Variants in ZNF705G observed in about 807,000 individuals in gnomAD.
ZNF705G encodes the protein zinc finger protein 705G.
A neutral mutation model predicts 19.6 loss-of-function variants in ZNF705G; 23 were observed. That is an observed-to-expected ratio of 1.17 (90% CI 0.84 to 1.66). The LOEUF is 1.66. Ranked by LOEUF, ZNF705G falls within the 40% of genes most tolerant of loss-of-function variation. The pLI is 0.00. For synonymous variants in ZNF705G, 146 were observed against 117.7 expected (o/e 1.24, Z -1.56); for missense variants, 457 against 354.4 (o/e 1.29, Z -2.32).
intron 1 of ZNF705G, among the ~76,000 whole-genome samples, chr8:7,381,919 A>G (rs1232492694): frequency 1.3e-5 from 2 of 151,980 alleles, no homozygotes; most frequent in East Asian, 1.9e-4. Context: ...GAACATACAT[A>G]GAGTAAATGG....
intron 3 of ZNF705G, among the ~76,000 whole-genome samples, chr8:7,362,453 A>G (rs1280276715): frequency 6.7e-6 from 1 of 149,662 alleles, no homozygotes; most frequent in Non-Finnish European, 1.5e-5. Context: ...AGCTGCTAGA[A>G]CATCAGACTC....
chr8:7,358,474 C>G lies in ZNF705G; in HGVS notation c.405G>C (p.Leu135Phe). ...AGGGTTTCTTTCCACTATGAGTTAA[C>G]AAACACTGAGTTATTGTGGAACTGC... ...CTRSSTITQC[L>F]LTHSGKKPYV... The change falls in exon 7 of 7, where the codon TTG becomes TTC. Residue 135 changes from leucine (L) to phenylalanine (F), a missense_variant. By Grantham distance (22) the Leu-to-Phe change is conservative. Transcript: ENST00000400156. The G allele has an allele frequency of 1.9e-6, 3 of 1,607,678 alleles. No homozygotes were observed. Among genetic ancestry groups the G allele is most frequent in the Non-Finnish European group, 2.5e-6 (3 of 1,179,598 alleles).
In ZNF705G at chr8:7,359,384, C is replaced by T. The variant is rs184881657; in HGVS notation, c.318+235G>A. On this transcript the variant is annotated intron_variant, in intron 6 of 6. Coordinates refer to ENST00000400156, the MANE Select transcript of ZNF705G (RefSeq NM_001164457.3). ...TAATTGTGTTGATATCAATATCTTTCGATGACTGGGCATGAGCAATGTATA... is the reference window on the plus strand; with the variant it reads ...TAATTGTGTTGATATCAATATCTTTTGATGACTGGGCATGAGCAATGTATA... Among the ~76,000 whole-genome samples the T allele has an allele frequency of 8.0e-5, 12 of 149,894 alleles. 1 individual carries two copies. The highest frequency in any genetic ancestry group is 2.3e-4 in the African/African-American group (9 of 39,290).
Position 7,374,779 on chromosome 8 carries a change from A to G in ZNF705G, c.-72+6673T>C, listed in dbSNP as rs1473764831. On this transcript the variant is annotated intron_variant, in intron 2 of 6. Transcript: ENST00000400156. ...ATCTTGGGCAAGTTTCTTCCTTTCC[A>G]TCAGCTTATTTCCTCAACTTTAAGG... 3.6e-5 allele frequency among the ~76,000 whole-genome samples: 3 copies of G among 83,606 alleles called. 1 individual carries two copies. The highest frequency in any genetic ancestry group is 6.8e-5 in the Non-Finnish European group (3 of 44,038). The allele number at this position is 83,606 out of a possible 152,430, so 54.8% of individuals were successfully genotyped here. A position where few individuals can be genotyped will look rare whatever the true frequency, so the allele number is the denominator to read the frequency against.
rs1270590229 is a variant in ZNF705G at position 7,356,311 on chromosome 8, A to T, written c.*1665T>A. 6.7e-6 allele frequency: 1 copy of T among 149,426 alleles called. No homozygotes were observed. The allele number at this position is 149,426 out of a possible 1,614,324, so 9.3% of individuals were successfully genotyped here. Reference sequence around the variant, plus strand: ...CAGCTGTGTCTGTCTCTGTGTAATAACTCAGGACTTACCAGAATAAAATGT... The same window carrying T: ...CAGCTGTGTCTGTCTCTGTGTAATATCTCAGGACTTACCAGAATAAAATGT... On this transcript the variant is annotated 3_prime_UTR_variant, in exon 7 of 7. Transcript: ENST00000400156.
At chr8:7,370,533 GA>G (rs1261718567) in intron 2 of ZNF705G, among the ~76,000 whole-genome samples, 2 of 148,116 alleles carry the variant, frequency 1.4e-5, no homozygotes, top group Admixed American at 1.3e-4. Context: ...ATAACAGTAT[GA>G]AGGTTTCTCA....
chr8:7,377,970 A>AAG (rs1554527851), intron 2 of ZNF705G, among the ~76,000 whole-genome samples: 10,184 of 99,428 alleles, frequency 0.1, 24 homozygotes, highest in East Asian at 0.13. Flanking sequence ...AAAAAAAAAA[A>AAG]AAAAAAAAGT....
chr8:7,370,387 T>C (rs1252274800), intron 2 of ZNF705G, among the ~76,000 whole-genome samples: 14 of 149,484 alleles, frequency 9.4e-5, no homozygotes, highest in Admixed American at 2.0e-4. Flanking sequence ...GGGATGTAAA[T>C]AAAAACCACC....
At position 7,358,312 on chromosome 8, in the gene ZNF705G, C is replaced by A; in HGVS notation, c.567G>T (p.Arg189=). 6.2e-7 allele frequency: 1 copy of A among 1,607,638 alleles called. No homozygotes were observed. ...TCTCTCCAGTGTGAGTCATCTTGTG[C>A]CGTCTAAGGTGAAAGCAATTAGTAT... ...KAYTNCFHLR[R]HKMTHTGERP... Residue 189 remains arginine, a synonymous_variant, in exon 7 of 7, where the codon CGG becomes CGT. Coordinates refer to ENST00000400156, the MANE Select transcript of ZNF705G (RefSeq NM_001164457.3).
rs758048864 is a variant in ZNF705G at position 7,358,442 on chromosome 8, C to T, written c.437G>A (p.Ser146Asn). 1.9e-6 allele frequency: 3 copies of T among 1,607,710 alleles called. No homozygotes were observed. Among genetic ancestry groups the T allele is most frequent in the Non-Finnish European group, 1.7e-6 (2 of 1,179,592 alleles). ...LTHSGKKPYVSKQCGKSLRNL... is the reference protein window; with the variant it reads ...LTHSGKKPYVNKQCGKSLRNL... Reference sequence around the variant, plus strand: ...ACGAAGGGATTTTCCACACTGTTTGCTGACATAGGGTTTCTTTCCACTATG... The same window carrying T: ...ACGAAGGGATTTTCCACACTGTTTGTTGACATAGGGTTTCTTTCCACTATG... The change falls in exon 7 of 7, where the codon AGC becomes AAC. Residue 146 changes from serine (S) to asparagine (N), a missense_variant. Ser to Asn is a conservative substitution (Grantham distance 46). Coordinates refer to ENST00000400156, the MANE Select transcript of ZNF705G (RefSeq NM_001164457.3).
intron 3 of ZNF705G, among the ~76,000 whole-genome samples, chr8:7,361,780 T>C (rs1475102465): frequency 6.8e-6 from 1 of 147,656 alleles, no homozygotes; most frequent in Non-Finnish European, 1.5e-5. Context: ...TTATTAAATA[T>C]AAGTCATTGG....
Position 7,358,265 on chromosome 8 carries a change from C to T in ZNF705G, c.614G>A (p.Cys205Tyr), listed in dbSNP as rs1343453775. The T allele has an allele frequency of 6.2e-7, 1 of 1,607,544 alleles. No homozygotes were observed. Among genetic ancestry groups the T allele is most frequent in the African/African-American group, 1.4e-5 (1 of 71,206 alleles). The change falls in exon 7 of 7, where the codon TGT becomes TAT. Residue 205 changes from cysteine to tyrosine, a missense_variant. Physicochemically the swap from Cys to Tyr is radical, Grantham distance 194. Transcript: ENST00000400156. ...TGERPYACHLCRKAFTQCSHL... is the reference protein window; with the variant it reads ...TGERPYACHLYRKAFTQCSHL... ...AGAACACTGAGTGAAGGCTTTTCTA[C>T]ATAGATGACATGCATATGGCCTCTC...
rs1296986804 is a variant in ZNF705G at position 7,376,860 on chromosome 8, A to G, written c.-72+4592T>C. ...TCTACTTTTGAAAGATACATCTATT[A>G]TAATCTATCATATAGAGAGAGTGTG... is the stretch of plus-strand genomic sequence containing the variant. On this transcript the variant is annotated intron_variant, in intron 2 of 6. Transcript: ENST00000400156. 2.1e-5 allele frequency among the ~76,000 whole-genome samples: 3 copies of G among 143,252 alleles called. No individual in the cohort carries two copies. In the East Asian group the frequency reaches 6.2e-4, roughly 30 times the overall value. 94.0% of individuals were successfully genotyped at this position (143,252 alleles called of 152,430 possible). A position where few individuals can be genotyped will look rare whatever the true frequency, so the allele number is the denominator to read the frequency against.
Position 7,360,204 on chromosome 8 carries a change from C to T in ZNF705G, c.235+33G>A, listed in dbSNP as rs761617778. ...GATATTATTCATTGACAAAGCACCT[C>T]CTCCTATTAGAGCACAGGACCCTGT... On this transcript the variant is annotated intron_variant, in intron 5 of 6. Transcript: ENST00000400156. 3.0e-4 allele frequency: 471 copies of T among 1,587,976 alleles called. 4 individuals carry two copies. Among genetic ancestry groups the T allele is most frequent in the Non-Finnish European group, 3.6e-4 (426 of 1,176,538 alleles).
chr8:7,362,149 C>G (rs1383527610), intron 3 of ZNF705G, among the ~76,000 whole-genome samples: 2 of 149,504 alleles, frequency 1.3e-5, no homozygotes, highest in Non-Finnish European at 2.9e-5. Context: ...CTAACCAGCC[C>G]TTATAAAGCA....
chr8:7,365,456 G>T (rs1380032951), intron 2 of ZNF705G, among the ~76,000 whole-genome samples: 3 of 139,002 alleles, frequency 2.2e-5, no homozygotes, highest in Non-Finnish European at 4.5e-5. Context: ...TCGGCTCACC[G>T]CAACCTCCAC....
At chr8:7,367,773 T>C (rs1806924607) in intron 2 of ZNF705G, among the ~76,000 whole-genome samples, 1 of 149,712 alleles carries the variant, frequency 6.7e-6, no homozygotes, top group Non-Finnish European at 1.5e-5. Flanking sequence ...GCTCAGTCTC[T>C]TTTTCCACTG....
chr8:7,355,987 G>A lies in ZNF705G; in HGVS notation c.*1989C>T, dbSNP rs2128832696. 1 of 149,590 alleles carries A rather than the reference G, an allele frequency of 6.7e-6. No homozygotes were observed. The highest frequency in any genetic ancestry group is 1.9e-4 in the East Asian group (1 of 5,182). 9.3% of individuals were successfully genotyped at this position (149,590 alleles called of 1,614,324 possible). ...CTTCAACCATGGATAAGGCCATTTA[G>A]CCTTAGTAAGGCCGATCGTATTAAG... On this transcript the variant is annotated 3_prime_UTR_variant, in exon 7 of 7. Transcript: ENST00000400156.
At chr8:7,360,494 T>A in intron 4 of ZNF705G, among the ~76,000 whole-genome samples, 162 bp from the exon 5 acceptor site, 1 of 149,208 alleles carries the variant, frequency 6.7e-6, no homozygotes, top group Admixed American at 6.6e-5. Context: ...TCTGACCCAA[T>A]ATGAGACTAC....
Sources: allele counts gnomAD v4.1 joint callset (sites outside exome capture counted in the v4.1 genomes callset), GRCh38; gene constraint gnomAD v4.1.1; transcripts MANE v1.5; gene names NCBI Gene and HGNC (gene_info 2026-07-23, HGNC 2026-07-21).